The following ADAMTS16 variants were observed in gnomAD, a reference collection of about 807,000 sequenced individuals.
ADAMTS16 encodes the protein ADAM metallopeptidase with thrombospondin type 1 motif 16.
Under a neutral mutation model 145.8 loss-of-function variants are expected in ADAMTS16, and 94 were observed. That is an observed-to-expected ratio of 0.64 (90% CI 0.55 to 0.77). The LOEUF (loss-of-function observed/expected upper bound fraction) is 0.77, where lower values mean the gene tolerates loss of function less well. ADAMTS16 is among the 30% of genes least tolerant of loss of function. The pLI is 0.00. For missense variants in ADAMTS16, 1,585 were observed against 1,591.5 expected (o/e 1.00, Z 0.07); for synonymous variants, 659 against 604.3 (o/e 1.09, Z -1.33).
In ADAMTS16 at chr5:5,207,495, A is replaced by T. The variant is rs185296492; in HGVS notation, c.1452-1598A>T. ...GTCATCTATGAACAAAGATAGTTTT[A>T]TTTATTCTTTTCCAGTCTGTATGCC... On this transcript the variant is annotated intron_variant, in intron 9 of 22. Coordinates refer to ENST00000274181, the MANE Select transcript of ADAMTS16 (RefSeq NM_139056.4). Among the ~76,000 whole-genome samples the T allele has an allele frequency of 1.3e-3, 205 of 152,138 alleles. 1 individual carries two copies. Among genetic ancestry groups the T allele is most frequent in the African/African-American group, 4.7e-3 (194 of 41,510 alleles).
At chr5:5,316,113 G>A (rs910938611) in intron 21 of ADAMTS16, among the ~76,000 whole-genome samples, 3 of 152,194 alleles carry the variant, frequency 2.0e-5, no homozygotes, top group Non-Finnish European at 4.4e-5. Flanking sequence ...GATTGCAGGA[G>A]GTCCCAGAAA....
intron 18 of ADAMTS16, among the ~76,000 whole-genome samples, chr5:5,275,307 G>A (rs1296753673): frequency 6.6e-6 from 1 of 152,032 alleles, no homozygotes; most frequent in African/African-American, 2.4e-5. Context: ...GAAATCAAAG[G>A]AAGTTTTAAA....
intron 2 of ADAMTS16, among the ~76,000 whole-genome samples, chr5:5,144,122 T>TAAC (rs910746200): frequency 1.7e-5 from 2 of 120,832 alleles, no homozygotes; most frequent in African/African-American, 6.5e-5. Flanking sequence ...ACTTAAATTA[T>TAAC]AACAAAAAAA....
At chr5:5,180,676 A>G (rs1256087399) in intron 3 of ADAMTS16, among the ~76,000 whole-genome samples, 1 of 152,262 alleles carries the variant, frequency 6.6e-6, no homozygotes, top group African/African-American at 2.4e-5. Flanking sequence ...TGTATTATAT[A>G]CTTTTAACAA....
At chr5:5,305,492 C>T (rs1740099510) in intron 20 of ADAMTS16, among the ~76,000 whole-genome samples, 1 of 133,042 alleles carries the variant, frequency 7.5e-6, no homozygotes, top group Non-Finnish European at 1.6e-5. Context: ...CACACACAAT[C>T]CCACACCACA....
rs374090755 is a variant in ADAMTS16, at chr5:5,239,918, T to C, written c.2516T>C (p.Ile839Thr). The change falls in exon 16 of 23, where the codon ATT becomes ACT. Residue 839 changes from isoleucine (I) to threonine (T), a missense_variant. Physicochemically the swap from Ile to Thr is moderately conservative, Grantham distance 89. Around this residue, in one of 3 missense-constraint regions of ADAMTS16, gnomAD observed 834 missense variants for 811.7 expected, o/e 1.03. Coordinates refer to ENST00000274181, the MANE Select transcript of ADAMTS16 (RefSeq NM_139056.4). Reference sequence around the variant, plus strand: ...ACTGGACCAACCAACGAGACACTGATTGTGGAGGTAAAGTCCAGCCTCTTG... The same window carrying C: ...ACTGGACCAACCAACGAGACACTGACTGTGGAGGTAAAGTCCAGCCTCTTG... The part of the protein sequence containing the change: ...IATGPTNETL[I>T]VELLFQGRNP... 11 of 1,613,362 alleles carry C rather than the reference T, an allele frequency of 6.8e-6. No homozygotes were observed. The highest frequency in any genetic ancestry group is 4.0e-5 in the African/African-American group (3 of 74,796).
At chr5:5,154,609 G>A (rs1734558282) in intron 3 of ADAMTS16, among the ~76,000 whole-genome samples, 1 of 152,136 alleles carries the variant, frequency 6.6e-6, no homozygotes, top group Admixed American at 6.5e-5. Context: ...ATGAAACTGA[G>A]ATCCAAGTGG....
chr5:5,289,086 G>A (rs1739207125), intron 18 of ADAMTS16, among the ~76,000 whole-genome samples: 1 of 152,112 alleles, frequency 6.6e-6, no homozygotes. Context: ...GGGCTTCCTG[G>A]GTGTAAATTC....
At chr5:5,226,729 G>T (rs890768) in intron 11 of ADAMTS16, among the ~76,000 whole-genome samples, 19,253 of 152,134 alleles carry the variant, frequency 0.13, 1,227 homozygotes, top group East Asian at 0.16. Context: ...GCTCCACAGT[G>T]GTTGCATAAG....
At chr5:5,224,101 G>A (rs1054919821) in intron 11 of ADAMTS16, among the ~76,000 whole-genome samples, 1 of 151,956 alleles carries the variant, frequency 6.6e-6, no homozygotes, top group Non-Finnish European at 1.5e-5. Context: ...ACAGAAATAA[G>A]ATAAACTTAT....
At chr5:5,203,647 A>T (rs4549491) in intron 9 of ADAMTS16, among the ~76,000 whole-genome samples, 133,189 of 152,224 alleles carry the variant, frequency 0.87, 58,264 homozygotes, top group Admixed American at 0.91. Context: ...TAACCGACAC[A>T]GACCTCATCA....
At chr5:5,168,720 TTATAATTATATAATTATATAAAA>T (rs1233473973) in intron 3 of ADAMTS16, among the ~76,000 whole-genome samples, 3 of 138,604 alleles carry the variant, frequency 2.2e-5, no homozygotes, top group Middle Eastern at 7.3e-3. Flanking sequence ...AATTATAATT[TTATAATTATATAATTATATAAAA>T]TATAATTATA....
At chr5:5,215,796 GTATATA>G (rs1371952729) in intron 10 of ADAMTS16, among the ~76,000 whole-genome samples, 1 of 113,900 alleles carries the variant, frequency 8.8e-6, no homozygotes, top group East Asian at 3.1e-4. Context: ...TATATGTGTG[GTATATA>G]TATGTGTGGT....
chr5:5,239,722 A>G lies in ADAMTS16; in HGVS notation c.2320A>G (p.Ile774Val). The G allele has an allele frequency of 1.9e-6, 3 of 1,614,150 alleles. No individual in the cohort carries two copies. Among genetic ancestry groups the G allele is most frequent in the Non-Finnish European group, 2.5e-6 (3 of 1,180,018 alleles). Residue 774 changes from isoleucine to valine, a missense_variant, in exon 16 of 23, where the codon ATC becomes GTC. This residue lies in a region of ADAMTS16 where 834 missense variants were observed against 811.7 expected (regional missense o/e 1.03). Transcript: ENST00000274181. Reference sequence around the variant, plus strand: ...CACCATTCCTTCTGGAGCCCGGAGTATCCGCATCTATGAAATGAACGTCTC... The same window carrying G: ...CACCATTCCTTCTGGAGCCCGGAGTGTCCGCATCTATGAAATGAACGTCTC... The part of the protein sequence containing the change: ...MVTIPSGARS[I>V]RIYEMNVSTS...
intron 17 of ADAMTS16, among the ~76,000 whole-genome samples, chr5:5,254,316 A>G (rs1040229177): frequency 6.6e-6 from 1 of 152,160 alleles, no homozygotes; most frequent in Non-Finnish European, 1.5e-5. Context: ...TCCCGTTGTC[A>G]TAACTTTCAT....
At chr5:5,255,017 A>G (rs1026035651) in intron 17 of ADAMTS16, among the ~76,000 whole-genome samples, 4 of 152,098 alleles carry the variant, frequency 2.6e-5, no homozygotes, top group African/African-American at 4.8e-5. Flanking sequence ...ATACATTTTT[A>G]TATTATTATG....
At chr5:5,279,354 C>T (rs556020393) in intron 18 of ADAMTS16, among the ~76,000 whole-genome samples, 17 of 152,366 alleles carry the variant, frequency 1.1e-4, no homozygotes, top group African/African-American at 3.4e-4. Flanking sequence ...CTCCCATCCA[C>T]TGTGGCTACT....
intron 18 of ADAMTS16, among the ~76,000 whole-genome samples, chr5:5,280,606 C>T (rs1028413361): frequency 2.0e-5 from 3 of 152,132 alleles, no homozygotes; most frequent in Non-Finnish European, 4.4e-5. Flanking sequence ...GAACCTCCTT[C>T]CTGGCCTTCC....
intron 15 of ADAMTS16, 120 bp downstream of exon 15, chr5:5,239,394 C>A (rs779519835): frequency 7.1e-7 from 1 of 1,400,668 alleles, no homozygotes. Flanking sequence ...TCGCTTCCTG[C>A]CTCAGCTGGC....
Sources: gnomAD v4.1 joint callset for allele counts (sites outside exome capture counted in the v4.1 genomes callset) on GRCh38, gnomAD v4.1.1 for gene constraint, gnomAD v4.1.1 regional missense constraint, MANE v1.5 for transcripts, NCBI Gene and HGNC (gene_info 2026-07-23, HGNC 2026-07-21) for gene names.